MAX: variants seen among roughly 807,000 people sequenced by gnomAD.
The protein encoded by MAX is MYC associated transcriptional regulator X.
In MAX, 3 loss-of-function variants were observed where a neutral mutation model predicts 22.3. The observed-to-expected ratio is 0.13, with a 90% CI of 0.06 to 0.35. MAX has a LOEUF of 0.35. Ranked by LOEUF, MAX falls within the 10% of genes least tolerant of loss-of-function variation. The pLI is 1.00. For synonymous variants in MAX, 72 were observed against 77.7 expected (o/e 0.93, Z 0.39); for missense variants, 119 against 209.4 (o/e 0.57, Z 2.66).
rs1003827514 is a variant in MAX, at chr14:65,028,100, C to T, written c.172-21816G>A. 2.6e-5 allele frequency among the ~76,000 whole-genome samples: 4 copies of T among 152,190 alleles called. No homozygotes were observed. Among genetic ancestry groups the T allele is most frequent in the Admixed American group, 6.5e-5 (1 of 15,274 alleles). On this transcript the variant is annotated intron_variant, in intron 3 of 3. Transcript: ENST00000341653. This position sits in a 1 kb window ranked among gnomAD's most constrained non-coding sequence, Gnocchi z 4.4. ...AACTGTATGGTGTAATGTATTCCTT[C>T]ACCTCTCTGAGATAGGAAGGGAGGG...
rs2061920945 is a variant in MAX, at chr14:65,023,290, C to G, written c.172-17006G>C. On this transcript the variant is annotated intron_variant, in intron 3 of 3. Coordinates refer to the MAX transcript ENST00000341653. This position sits in a 1 kb window ranked among gnomAD's most constrained non-coding sequence, Gnocchi z 4.1. ...CCCAGGCTGGCCTTGAACTCCTGAG[C>G]TCAAGTGATCCCCCTCACCTCAGCC... Among the ~76,000 whole-genome samples, 1 of 152,126 alleles carries G rather than the reference C, an allele frequency of 6.6e-6. No individual in the cohort carries two copies. Among genetic ancestry groups the G allele is most frequent in the African/African-American group, 2.4e-5 (1 of 41,440 alleles).
rs34066098 is a variant in MAX, at chr14:65,018,809, TAAAA to T, written c.172-12529_172-12526del. 7.3e-3 allele frequency among the ~76,000 whole-genome samples: 792 copies of T among 108,466 alleles called. 13 individuals are homozygous for T. Among genetic ancestry groups the T allele is most frequent in the South Asian group, 0.053 (177 of 3,362 alleles). The allele number at this position is 108,466 out of a possible 152,430, so 71.2% of individuals were successfully genotyped here. A position where few individuals can be genotyped will look rare whatever the true frequency, so the allele number is the denominator to read the frequency against. On this transcript the variant is annotated intron_variant, in intron 3 of 3. Transcript: ENST00000341653. ...TGGAGGACAGAGTGAGACTCTGTCT[TAAAA>T]AAAAAAAAAAAAAAAGGCCAGGCGC... is the stretch of plus-strand genomic sequence containing the variant.
At position 65,076,219 on chromosome 14, in the gene MAX, G is replaced by A; in HGVS notation, c.*257C>T. 7.0e-7 allele frequency: 1 copy of A among 1,422,706 alleles called. No individual in the cohort carries two copies. Among genetic ancestry groups the A allele is most frequent in the Non-Finnish European group, 9.1e-7 (1 of 1,094,094 alleles). The allele number at this position is 1,422,706 out of a possible 1,614,324, so 88.1% of individuals were successfully genotyped here. A position where few individuals can be genotyped will look rare whatever the true frequency, so the allele number is the denominator to read the frequency against. Reference sequence around the variant, plus strand: ...ACAGAAAAAGCTGCCAAGTTGGGGTGTTTTGGTTTAAAAATTCCTGTTGGG... The same window carrying A: ...ACAGAAAAAGCTGCCAAGTTGGGGTATTTTGGTTTAAAAATTCCTGTTGGG... On this transcript the variant is annotated 3_prime_UTR_variant, in exon 5 of 5. Transcript: ENST00000358664. The surrounding 1 kb of genome is among the most constrained non-coding windows in gnomAD (Gnocchi z 6.6).
rs1266048241 is a variant in MAX, at chr14:65,031,076, G to A, written c.172-24792C>T. Among the ~76,000 whole-genome samples the A allele has an allele frequency of 1.3e-5, 2 of 152,060 alleles. No homozygotes were observed. The highest frequency in any genetic ancestry group is 6.6e-5 in the Admixed American group (1 of 15,254). On this transcript the variant is annotated intron_variant, in intron 3 of 3. Transcript: ENST00000341653. The surrounding 1 kb of genome is among the most constrained non-coding windows in gnomAD (Gnocchi z 4.6). ...ACCTGCCTTAGCCTCCCAAAGTGCT[G>A]GGATTACAGGCATGAGCTACCATGC...
intron 3 of MAX, among the ~76,000 whole-genome samples, chr14:65,043,828 CAAAAAAAAAAAAAAAAAA>C (rs749243788): frequency 1.6e-5 from 1 of 64,234 alleles, no homozygotes; most frequent in Non-Finnish European, 3.0e-5. Flanking sequence ...GACTCCGTCT[CAAAAAAAAAAAAAAAAAA>C]AAAAAAAAAA....
At chr14:65,043,059 T>C (rs1020780046) in intron 3 of MAX, among the ~76,000 whole-genome samples, 1 of 152,182 alleles carries the variant, frequency 6.6e-6, no homozygotes, top group Non-Finnish European at 1.5e-5. Flanking sequence ...TCCCAGTGGC[T>C]CCTTTCAGGA....
chr14:65,077,766 T>C lies in MAX; in HGVS notation c.295+147A>G, dbSNP rs2063098419. 4 of 1,612,998 alleles carry C rather than the reference T, an allele frequency of 2.5e-6. No homozygotes were observed. The East Asian group carries it at 6.7e-5, about 27-fold the overall frequency. ...TCCTTCCTCAGGACGGCTCTAACAC[T>C]CAGTTACTCAGGCCCCAAGAAGCAG... On this transcript the variant is annotated intron_variant, in intron 4 of 4. Coordinates refer to ENST00000358664, the MANE Select transcript of MAX (RefSeq NM_002382.5). This position sits in a 1 kb window ranked among gnomAD's most constrained non-coding sequence, Gnocchi z 6.3.
In MAX at chr14:65,069,101, C is replaced by T. The variant is rs935227983; in HGVS notation, c.171+24607G>A. 2.0e-5 allele frequency among the ~76,000 whole-genome samples: 3 copies of T among 152,198 alleles called. No homozygotes were observed. Among genetic ancestry groups the T allele is most frequent in the African/African-American group, 7.2e-5 (3 of 41,458 alleles). On this transcript the variant is annotated intron_variant, in intron 3 of 3. Coordinates refer to the MAX transcript ENST00000341653. This position sits in a 1 kb window ranked among gnomAD's most constrained non-coding sequence, Gnocchi z 4.6. ...AGGTGTCCATGCTCCTTGCGAGGCT[C>T]CATCCCCCCAGCCCCTCTCCTCACT...
chr14:65,101,472 T>C (rs2063830723), intron 2 of MAX, 74 bp downstream of exon 2: 4 of 1,294,974 alleles, frequency 3.1e-6, no homozygotes, highest in Non-Finnish European at 4.4e-6. Flanking sequence ...TAGTACGATC[T>C]CTTTTTCTCT....
At chr14:65,049,723 AT>A (rs2139662902) in intron 3 of MAX, among the ~76,000 whole-genome samples, 1 of 152,308 alleles carries the variant, frequency 6.6e-6, no homozygotes, top group South Asian at 2.1e-4. Flanking sequence ...AGGATATGAA[AT>A]ATATGTACAT....
At chr14:65,064,215 A>G (rs996333741) in intron 3 of MAX, among the ~76,000 whole-genome samples, 3 of 152,180 alleles carry the variant, frequency 2.0e-5, no homozygotes, top group African/African-American at 7.2e-5. Flanking sequence ...ATTAGTGTCA[A>G]GTGACAAATA....
intron 3 of MAX, chr14:65,053,285 C>T: frequency 6.8e-7 from 1 of 1,468,568 alleles, no homozygotes. Context: ...TCAGCAGGCC[C>T]TGCAGGAGTA....
chr14:65,042,347 T>C (rs2062372237), intron 3 of MAX, among the ~76,000 whole-genome samples: 1 of 152,202 alleles, frequency 6.6e-6, no homozygotes, highest in South Asian at 2.1e-4. Context: ...TTCTTTCAAC[T>C]AGACAGTCCC....
rs370402660 is a variant in MAX, at chr14:65,102,304, G to T, written c.36C>A (p.Asp12Glu). 1.2e-6 allele frequency: 2 copies of T among 1,613,784 alleles called. No homozygotes were observed. The highest frequency in any genetic ancestry group is 1.7e-6 in the Non-Finnish European group (2 of 1,179,794). The change falls in exon 1 of 5, where the codon GAC becomes GAA. Residue 12 changes from aspartate (D) to glutamate (E), a missense_variant and splice_region_variant. Coordinates refer to ENST00000358664, the MANE Select transcript of MAX (RefSeq NM_002382.5). ...GGAAGGAAGAAGCCCCAGGACTCAC[G>T]TCGCTCTCCACCTCGATGTCATCGT... ...SDNDDIEVES[D>E]EEQPRFQSAA...
At chr14:65,083,721 T>C (rs2063253219) in intron 3 of MAX, 3 of 1,051,766 alleles carry the variant, frequency 2.9e-6, no homozygotes, top group Non-Finnish European at 2.3e-6. Flanking sequence ...TCTGGAGGGA[T>C]GAAAAAAGAG....
chr14:65,039,887 T>A (rs1346342928), intron 3 of MAX, among the ~76,000 whole-genome samples: 1 of 152,220 alleles, frequency 6.6e-6, no homozygotes, highest in Non-Finnish European at 1.5e-5. Flanking sequence ...CTAGTAGACC[T>A]GTACTCAAAG....
At chr14:65,026,824 T>C (rs1461733127) in intron 3 of MAX, among the ~76,000 whole-genome samples, 1 of 151,050 alleles carries the variant, frequency 6.6e-6, no homozygotes, top group South Asian at 2.1e-4. Context: ...ATCACACCAC[T>C]GCACTGCAGC....
intron 3 of MAX, among the ~76,000 whole-genome samples, chr14:65,053,765 A>G: frequency 6.6e-6 from 1 of 152,146 alleles, no homozygotes; most frequent in South Asian, 2.1e-4. Context: ...GAGATGGCTT[A>G]TGTGTTAGAA....
In MAX at chr14:65,075,992, G is replaced by A. The variant is rs1257979454; in HGVS notation, c.*484C>T. On this transcript the variant is annotated 3_prime_UTR_variant, in exon 5 of 5. Transcript: ENST00000358664. The surrounding 1 kb of genome is among the most constrained non-coding windows in gnomAD (Gnocchi z 4.1). The stretch of plus-strand genomic sequence containing the variant: ...AAAAAAACCCTTAAAAAGGAGGAGG[G>A]TTCATTCTGATTACTCCAAACCGGT... 1.8e-6 allele frequency: 2 copies of A among 1,087,848 alleles called. No individual in the cohort carries two copies. Among genetic ancestry groups the A allele is most frequent in the African/African-American group, 1.6e-5 (1 of 61,564 alleles). The allele number at this position is 1,087,848 out of a possible 1,614,324, so 67.4% of individuals were successfully genotyped here. A position where few individuals can be genotyped will look rare whatever the true frequency, so the allele number is the denominator to read the frequency against.
Sources: allele counts gnomAD v4.1 joint callset (sites outside exome capture counted in the v4.1 genomes callset), GRCh38; gene constraint gnomAD v4.1.1; non-coding constraint Gnocchi (gnomAD v3.1); transcripts MANE v1.5; gene names NCBI Gene and HGNC (gene_info 2026-07-23, HGNC 2026-07-21).